The following VAV2 variants were observed in gnomAD, a reference collection of about 807,000 sequenced individuals.
The protein encoded by VAV2 is guanine nucleotide exchange factor VAV2.
A neutral mutation model predicts 132.5 loss-of-function variants in VAV2; 67 were observed. That is an observed-to-expected ratio of 0.51 (90% confidence interval 0.42 to 0.62). VAV2 has a LOEUF of 0.62. Among genes scored for constraint, VAV2 ranks in the 20% least tolerant of loss-of-function variants. The probability of loss-of-function intolerance (pLI) is 0.00; values close to 1 mark genes in which losing one functional copy is unlikely to be tolerated. For synonymous variants in VAV2, 492 were observed against 443.5 expected (o/e 1.11, Z -1.37); for missense variants, 938 against 1,153.6 (o/e 0.81, Z 2.71).
At chr9:133,932,347 G>A (rs954892245) in intron 2 of VAV2, among the ~76,000 whole-genome samples, 2 of 152,186 alleles carry the variant, frequency 1.3e-5, no homozygotes, top group African/African-American at 2.4e-5. Flanking sequence ...CTTCACGCTC[G>A]GCCATAACTC....
At chr9:133,964,070 A>ATATACAC (rs1564507864) in intron 1 of VAV2, among the ~76,000 whole-genome samples, 2 of 89,384 alleles carry the variant, frequency 2.2e-5, no homozygotes, top group African/African-American at 7.5e-5. Context: ...CATATATATA[A>ATATACAC]ATGAATAGGC....
intron 1 of VAV2, among the ~76,000 whole-genome samples, chr9:133,971,814 G>A (rs1256061355): frequency 6.6e-6 from 1 of 152,188 alleles, no homozygotes; most frequent in African/African-American, 2.4e-5. Context: ...GAGGCGGCCA[G>A]GGCTTCCCCC....
At chr9:133,981,680 T>A (rs556229654) in intron 1 of VAV2, among the ~76,000 whole-genome samples, 1 of 152,268 alleles carries the variant, frequency 6.6e-6, no homozygotes, top group South Asian at 2.1e-4. Flanking sequence ...GAGGTTGAGC[T>A]CGAGGGACAC....
intron 1 of VAV2, among the ~76,000 whole-genome samples, chr9:133,964,040 T>TAC (rs1333361080): frequency 6.7e-5 from 7 of 104,064 alleles, no homozygotes; most frequent in East Asian, 7.1e-4. Context: ...TATATATATA[T>TAC]ATATATATAC....
chr9:133,973,873 T>C (rs969468611), intron 1 of VAV2, among the ~76,000 whole-genome samples: 1 of 151,962 alleles, frequency 6.6e-6, no homozygotes, highest in Admixed American at 6.6e-5. Context: ...CCCACTCAGC[T>C]GACTGCTGGG....
chr9:133,959,414 G>A (rs1406065695), intron 1 of VAV2, among the ~76,000 whole-genome samples: 3 of 152,030 alleles, frequency 2.0e-5, no homozygotes, highest in Admixed American at 6.6e-5. Flanking sequence ...TCCTTCCCAG[G>A]GTGACCACCT....
intron 4 of VAV2, among the ~76,000 whole-genome samples, chr9:133,813,488 G>A (rs1835437195): frequency 6.6e-6 from 1 of 152,252 alleles, no homozygotes; most frequent in South Asian, 2.1e-4. Context: ...TTGAGAGAGG[G>A]AGGGCCCGTG....
chr9:133,790,554 C>T (rs181957740), intron 13 of VAV2, among the ~76,000 whole-genome samples: 7 of 152,348 alleles, frequency 4.6e-5, no homozygotes, highest in Non-Finnish European at 7.3e-5. Flanking sequence ...TTTCTCCTCA[C>T]GTCCTGCTCA....
At chr9:133,801,230 G>T (rs1326083769) in intron 9 of VAV2, among the ~76,000 whole-genome samples, 1 of 152,238 alleles carries the variant, frequency 6.6e-6, no homozygotes, top group African/African-American at 2.4e-5. Context: ...GCAAACAGGA[G>T]AACTCTGGGG....
intron 29 of VAV2, among the ~76,000 whole-genome samples, chr9:133,764,577 A>G (rs1833373427): frequency 6.6e-6 from 1 of 152,220 alleles, no homozygotes; most frequent in African/African-American, 2.4e-5. Context: ...GAGAACCTAA[A>G]TCGGAAATCA....
intron 26 of VAV2, among the ~76,000 whole-genome samples, chr9:133,771,219 ATGC>A (rs1833614940): frequency 6.6e-6 from 1 of 152,070 alleles, no homozygotes. Flanking sequence ...GTGTGCCACC[ATGC>A]CCGGCTAATT....
In VAV2 at chr9:133,919,448, A is replaced by G. The variant is rs915903992; in HGVS notation, c.321+19655T>C. On this transcript the variant is annotated intron_variant, in intron 2 of 29. Transcript: ENST00000371850. This position sits in a 1 kb window ranked among gnomAD's most constrained non-coding sequence, Gnocchi z 5.8. ...CCTCCTCACTGGACAGCCCTGGGTG[A>G]GGGGTTCCAGGAGCCCAGGTGTCCC... Among the ~76,000 whole-genome samples, 4 of 152,128 alleles carry G rather than the reference A, an allele frequency of 2.6e-5. No individual in the cohort carries two copies. The highest frequency in any genetic ancestry group is 5.9e-5 in the Non-Finnish European group (4 of 68,022).
At chr9:133,801,681 C>T (rs957408253) in intron 9 of VAV2, among the ~76,000 whole-genome samples, 2 of 152,164 alleles carry the variant, frequency 1.3e-5, no homozygotes, top group Non-Finnish European at 2.9e-5. Flanking sequence ...GGTCATGATG[C>T]AGATGTAATG....
intron 3 of VAV2, among the ~76,000 whole-genome samples, chr9:133,837,837 C>A (rs1836532710): frequency 6.6e-6 from 1 of 152,110 alleles, no homozygotes; most frequent in East Asian, 1.9e-4. Flanking sequence ...CCTGCCCAAC[C>A]CAGAGGAGAT....
Position 133,824,814 on chromosome 9 carries a change from T to C in VAV2, c.449+9458A>G, listed in dbSNP as rs1452186347. On this transcript the variant is annotated intron_variant, in intron 4 of 29. Coordinates refer to ENST00000371850, the MANE Select transcript of VAV2 (RefSeq NM_001134398.2). The surrounding 1 kb of genome is among the most constrained non-coding windows in gnomAD (Gnocchi z 5.2). ...ATTGCAGCTCTGCCCCCTAGTTCTG[T>C]ACGACTCTGACCAGGTGCCTTCCTC... Among the ~76,000 whole-genome samples, 6 of 152,194 alleles carry C rather than the reference T, an allele frequency of 3.9e-5. No homozygotes were observed. The highest frequency in any genetic ancestry group is 1.4e-4 in the African/African-American group (6 of 41,468).
Position 133,809,033 on chromosome 9 carries a change from C to T in VAV2, c.666+7G>A, listed in dbSNP as rs368817680. The T allele has an allele frequency of 5.0e-6, 8 of 1,613,152 alleles. No homozygotes were observed. The highest frequency in any genetic ancestry group is 6.8e-6 in the Non-Finnish European group (8 of 1,179,400). On this transcript the variant is annotated splice_region_variant and intron_variant, in intron 7 of 29. Transcript: ENST00000371850. ...GCCATTTTCCAGTGGCCGCCATCTG[C>T]CCTCACCTTCTCAATGTCCTCCAGG...
intron 3 of VAV2, among the ~76,000 whole-genome samples, chr9:133,836,345 G>A: frequency 6.6e-6 from 1 of 152,278 alleles, no homozygotes; most frequent in Admixed American, 6.5e-5. Context: ...GACCAGCCCT[G>A]GGCTGTCCCC....
intron 3 of VAV2, among the ~76,000 whole-genome samples, chr9:133,838,024 A>T (rs1397749009): frequency 6.6e-6 from 1 of 152,132 alleles, no homozygotes; most frequent in East Asian, 1.9e-4. Flanking sequence ...CAGGAGAGGG[A>T]GGCAGCCTGT....
intron 2 of VAV2, among the ~76,000 whole-genome samples, chr9:133,868,684 T>C (rs56101185): frequency 0.038 from 5,730 of 152,272 alleles, 210 homozygotes; most frequent in African/African-American, 0.094. Flanking sequence ...TAGAAGACAC[T>C]CAGAACCCCT....
Sources: gnomAD v4.1 joint callset for allele counts (sites outside exome capture counted in the v4.1 genomes callset) on GRCh38, gnomAD v4.1.1 for gene constraint, Gnocchi (gnomAD v3.1) non-coding constraint, MANE v1.5 for transcripts, NCBI Gene and HGNC (gene_info 2026-07-23, HGNC 2026-07-21) for gene names.